ABCD3: variants seen among roughly 807,000 people sequenced by gnomAD.
The protein encoded by ABCD3 is ATP-binding cassette sub-family D member 3.
Under a neutral mutation model 105.5 loss-of-function variants are expected in ABCD3, and 41 were observed. The ratio of observed to expected loss-of-function variants is 0.39; its 90% CI spans 0.30 to 0.50. ABCD3 has a LOEUF of 0.50. Among genes scored for constraint, ABCD3 ranks in the 20% least tolerant of loss-of-function variants. The probability of loss-of-function intolerance (pLI) is 0.84; values close to 1 mark genes in which losing one functional copy is unlikely to be tolerated. For synonymous variants in ABCD3, 258 were observed against 269.0 expected (o/e 0.96, Z 0.40); for missense variants, 622 against 806.3 (o/e 0.77, Z 2.77).
Position 94,449,209 on chromosome 1 carries a change from C to T in ABCD3, c.111-9398C>T, listed in dbSNP as rs186936579. On this transcript the variant is annotated intron_variant, in intron 1 of 22. Transcript: ENST00000370214. ...CAAGGAAGAGATTCTGGGAGGATCCCGAGGACCCCGTAGTTGCAGCCATGT... is the reference window on the plus strand; with the variant it reads ...CAAGGAAGAGATTCTGGGAGGATCCTGAGGACCCCGTAGTTGCAGCCATGT... 4.0e-3 allele frequency among the ~76,000 whole-genome samples: 611 copies of T among 152,280 alleles called. 6 individuals carry two copies. The highest frequency in any genetic ancestry group is 6.3e-3 in the Non-Finnish European group (429 of 68,028).
chr1:94,396,266 T>C, the ABCD3 span, among the ~76,000 whole-genome samples: 7 of 152,230 alleles, frequency 4.6e-5, no homozygotes, highest in South Asian at 1.4e-3. Flanking sequence ...AATAATAGTA[T>C]CTATCTCATA....
rs962204714 is a variant in ABCD3 at position 94,501,154 on chromosome 1, G to C, written c.1740+1540G>C. On this transcript the variant is annotated intron_variant, in intron 20 of 22. Transcript: ENST00000370214. Reference sequence around the variant, plus strand: ...AATTCAAAGGCGTGCCCAGAGCAGTGGGGGGCTGAGGCGGGAGAATCACTT... The same window carrying C: ...AATTCAAAGGCGTGCCCAGAGCAGTCGGGGGCTGAGGCGGGAGAATCACTT... 4.0e-5 allele frequency among the ~76,000 whole-genome samples: 6 copies of C among 151,852 alleles called. No homozygotes were observed. The East Asian group carries it at 9.7e-4, about 24-fold the overall frequency.
At chr1:94,444,068 T>C (rs996101783) in intron 1 of ABCD3, among the ~76,000 whole-genome samples, 4 of 152,120 alleles carry the variant, frequency 2.6e-5, no homozygotes, top group Admixed American at 1.3e-4. Flanking sequence ...GCACAGTGGC[T>C]CATGCCTGTA....
chr1:94,385,572 T>C, the ABCD3 span, among the ~76,000 whole-genome samples: 3 of 152,220 alleles, frequency 2.0e-5, no homozygotes, highest in South Asian at 2.1e-4. Flanking sequence ...CTGGCTGTCA[T>C]GCACCTGGTG....
chr1:94,494,276 A>C (rs1165615890), intron 16 of ABCD3, among the ~76,000 whole-genome samples: 2 of 151,976 alleles, frequency 1.3e-5, no homozygotes, highest in Admixed American at 6.6e-5. Flanking sequence ...TTATGTCCTT[A>C]CTTGTTGGAG....
intron 15 of ABCD3, 117 bp downstream of exon 15, chr1:94,490,092 C>T (rs933970632): frequency 2.1e-6 from 2 of 969,908 alleles, no homozygotes; most frequent in African/African-American, 3.2e-5. Flanking sequence ...TTTTAAAAAA[C>T]AGCTTAGAGG....
chr1:94,513,900 T>C (rs1192134908), intron 21 of ABCD3: 1 of 152,056 alleles, frequency 6.6e-6, no homozygotes, highest in East Asian at 1.9e-4. Flanking sequence ...TATTTTATTA[T>C]GCAATTCCTA....
chr1:94,420,835 A>AC (rs1353162848), intron 1 of ABCD3, among the ~76,000 whole-genome samples: 7 of 152,258 alleles, frequency 4.6e-5, no homozygotes, highest in Non-Finnish European at 2.9e-5. Context: ...TCTGGTGCTT[A>AC]ATTAAGGAAA....
At chr1:94,422,755 C>A (rs910502000) in intron 1 of ABCD3, among the ~76,000 whole-genome samples, 1 of 152,168 alleles carries the variant, frequency 6.6e-6, no homozygotes, top group Non-Finnish European at 1.5e-5. Flanking sequence ...TAGAAACATT[C>A]TTTTTGCAGA....
rs756662349 is a variant in ABCD3, at chr1:94,491,240, A to G, written c.1379A>G (p.Asn460Ser). ...GGAGATGTTTTGATCCGAGACCTTAATTTTGAAGTAAGTTTTTAAATGATC... is the reference window on the plus strand; with the variant it reads ...GGAGATGTTTTGATCCGAGACCTTAGTTTTGAAGTAAGTTTTTAAATGATC... ...PNGDVLIRDL[N>S]FEVRSGANVL... is the part of the protein sequence containing the mutation. The change falls in exon 16 of 23, where the codon AAT becomes AGT. Residue 460 changes from asparagine (N) to serine (S), a missense_variant. Asn to Ser is a conservative substitution (Grantham distance 46). Coordinates refer to ENST00000370214, the MANE Select transcript of ABCD3 (RefSeq NM_002858.4). 1 of 1,610,568 alleles carries G rather than the reference A, an allele frequency of 6.2e-7. No homozygotes were observed. Among genetic ancestry groups the G allele is most frequent in the Non-Finnish European group, 8.5e-7 (1 of 1,177,230 alleles).
chr1:94,490,585 G>T (rs1291914689), intron 15 of ABCD3, among the ~76,000 whole-genome samples: 1 of 151,882 alleles, frequency 6.6e-6, no homozygotes, highest in Non-Finnish European at 1.5e-5. Context: ...TTTTAAAAGT[G>T]GGGTAATATT....
intron 10 of ABCD3, among the ~76,000 whole-genome samples, chr1:94,484,662 G>A (rs1213094257): frequency 1.3e-5 from 2 of 152,248 alleles, no homozygotes; most frequent in East Asian, 3.9e-4. Flanking sequence ...GGGAGGGATA[G>A]CATTAGGAGA....
At chr1:94,390,501 C>T in the ABCD3 span, among the ~76,000 whole-genome samples, 1 of 152,044 alleles carries the variant, frequency 6.6e-6, no homozygotes, top group Non-Finnish European at 1.5e-5. Flanking sequence ...TGGGGTTTCA[C>T]CACGTTGGGT....
chr1:94,406,007 G>A, the ABCD3 span, among the ~76,000 whole-genome samples: 11 of 150,528 alleles, frequency 7.3e-5, no homozygotes, highest in Non-Finnish European at 1.5e-4. Flanking sequence ...CTGATATCTA[G>A]ATTACAGAGG....
Position 94,467,907 on chromosome 1 carries a change from G to C in ABCD3, c.247-12G>C, listed in dbSNP as rs1648229849. 6 of 1,583,774 alleles carry C rather than the reference G, an allele frequency of 3.8e-6. No homozygotes were observed. Among genetic ancestry groups the C allele is most frequent in the Middle Eastern group, 3.4e-4 (2 of 5,840 alleles). Reference sequence around the variant, plus strand: ...TGCATGTATTTAATTTACTATACCTGGTTTATTTTAGACAGGTTACTTGGT... The same window carrying C: ...TGCATGTATTTAATTTACTATACCTCGTTTATTTTAGACAGGTTACTTGGT... On this transcript the variant is annotated splice_polypyrimidine_tract_variant and intron_variant, in intron 3 of 22. Coordinates refer to ENST00000370214, the MANE Select transcript of ABCD3 (RefSeq NM_002858.4).
chr1:94,422,549 C>G (rs962209259), intron 1 of ABCD3, among the ~76,000 whole-genome samples: 5 of 152,146 alleles, frequency 3.3e-5, no homozygotes, highest in African/African-American at 1.2e-4. Flanking sequence ...CTGTATTGTA[C>G]TAGTTTGTTT....
chr1:94,408,803 A>G, the ABCD3 span, among the ~76,000 whole-genome samples: 1 of 152,210 alleles, frequency 6.6e-6, no homozygotes, highest in Non-Finnish European at 1.5e-5. Context: ...TGACATGATC[A>G]TAATTGTGTA....
At chr1:94,424,546 C>T (rs992207266) in intron 1 of ABCD3, among the ~76,000 whole-genome samples, 5 of 152,150 alleles carry the variant, frequency 3.3e-5, no homozygotes, top group African/African-American at 1.2e-4. Context: ...CCTCAGCCTC[C>T]CAAGTAGCTA....
chr1:94,493,742 A>C (rs1570815359), intron 16 of ABCD3, among the ~76,000 whole-genome samples: 1 of 152,194 alleles, frequency 6.6e-6, no homozygotes, highest in Non-Finnish European at 1.5e-5. Context: ...GCACATATAC[A>C]CCATGGAATA....
Sources: allele counts gnomAD v4.1 joint callset (sites outside exome capture counted in the v4.1 genomes callset), GRCh38; gene constraint gnomAD v4.1.1; transcripts MANE v1.5; gene names NCBI Gene and HGNC (gene_info 2026-07-23, HGNC 2026-07-21).